Variants in POLR3G observed in about 807,000 individuals in gnomAD.
The protein encoded by POLR3G is DNA-directed RNA polymerase III subunit RPC7.
POLR3G carries 28 observed loss-of-function variants against 30.1 expected under a neutral mutation model. That is an observed-to-expected ratio of 0.93 (90% CI 0.69 to 1.27). The LOEUF is 1.27. POLR3G is among the 50% of genes most tolerant of loss of function. The pLI, the probability that POLR3G is intolerant of heterozygous loss-of-function variation, is 0.00. For missense variants in POLR3G, 254 were observed against 264.6 expected (o/e 0.96, Z 0.28); for synonymous variants, 79 against 82.5 (o/e 0.96, Z 0.23).
chr5:90,505,581 CT>C (rs1752445166), intron 6 of POLR3G, among the ~76,000 whole-genome samples: 1 of 152,198 alleles, frequency 6.6e-6, no homozygotes, highest in African/African-American at 2.4e-5. Context: ...CTGCATCTCT[CT>C]TTTGTCTTCT....
At chr5:90,476,638 A>G (rs1311241663) in intron 1 of POLR3G, among the ~76,000 whole-genome samples, 2 of 152,332 alleles carry the variant, frequency 1.3e-5, no homozygotes, top group East Asian at 1.9e-4. Flanking sequence ...AATTTATCCA[A>G]TAATCATTGG....
At position 90,488,120 on chromosome 5, in the gene POLR3G, G is replaced by GAAA; in HGVS notation, c.239_241dup (p.Glu80_Arg81insLys). 2 of 1,609,636 alleles carry GAAA rather than the reference G, an allele frequency of 1.2e-6. No individual in the cohort carries two copies. Among genetic ancestry groups the GAAA allele is most frequent in the Non-Finnish European group, 1.7e-6 (2 of 1,178,168 alleles). On this transcript the variant is annotated inframe_insertion, in exon 3 of 8. Transcript: ENST00000651687. Reference sequence around the variant, plus strand: ...GCCTTATTTTATTGAAACACCTGAAGAAAGACAAGGTACTGTATTGGAGTC... The same window carrying GAAA: ...GCCTTATTTTATTGAAACACCTGAAGAAAAAAGACAAGGTACTGTATTGGAGTC...
chr5:90,503,395 A>G (rs536862240), intron 6 of POLR3G, among the ~76,000 whole-genome samples: 2 of 152,366 alleles, frequency 1.3e-5, no homozygotes, highest in East Asian at 3.9e-4. Flanking sequence ...AGGAGCAGTG[A>G]TAACTGTCAG....
chr5:90,513,634 A>G lies in POLR3G; in HGVS notation c.*1495A>G, dbSNP rs561246744. Reference sequence around the variant, plus strand: ...GTATTGTCTTGTGCCATTCTGCAATATGAATTTCTCAGGAAAAAGATGTTT... The same window carrying G: ...GTATTGTCTTGTGCCATTCTGCAATGTGAATTTCTCAGGAAAAAGATGTTT... On this transcript the variant is annotated 3_prime_UTR_variant, in exon 8 of 8. Coordinates refer to ENST00000651687, the MANE Select transcript of POLR3G (RefSeq NM_006467.3). The G allele has an allele frequency of 1.3e-5, 2 of 152,354 alleles. No individual in the cohort carries two copies. The highest frequency in any genetic ancestry group is 2.1e-4 in the South Asian group (1 of 4,832). The allele number at this position is 152,354 out of a possible 1,614,324, so 9.4% of individuals were successfully genotyped here.
In POLR3G at chr5:90,504,444, C is replaced by A. The variant is rs376350969; in HGVS notation, c.439-2084C>A. 7.9e-5 allele frequency among the ~76,000 whole-genome samples: 12 copies of A among 151,984 alleles called. No individual in the cohort carries two copies. In the South Asian group the frequency reaches 2.3e-3, roughly 29 times the overall value. ...GGGCGTGGTAGCAGGCGCCTGTAGT[C>A]CCAGTTACTCGGGAGGCTGAGGCAG... On this transcript the variant is annotated intron_variant, in intron 6 of 7. Coordinates refer to ENST00000651687, the MANE Select transcript of POLR3G (RefSeq NM_006467.3).
Position 90,488,069 on chromosome 5 carries a change from G to C in POLR3G, c.187G>C (p.Glu63Gln). 1 of 1,612,214 alleles carries C rather than the reference G, an allele frequency of 6.2e-7. No homozygotes were observed. The highest frequency in any genetic ancestry group is 8.5e-7 in the Non-Finnish European group (1 of 1,179,114). The change falls in exon 3 of 8, where the codon GAG (glutamate) becomes CAG (glutamine). Residue 63 changes from glutamate (E) to glutamine (Q), a missense_variant. Glu to Gln is a conservative substitution (Grantham distance 29). Coordinates refer to ENST00000651687, the MANE Select transcript of POLR3G (RefSeq NM_006467.3). ...AGAATATATGCTGGCTTTGAAACAGGAGTTGAGAGAAACAATGAAAAGAAT... is the reference window on the plus strand; with the variant it reads ...AGAATATATGCTGGCTTTGAAACAGCAGTTGAGAGAAACAATGAAAAGAAT... Reference protein sequence around the residue: ...GEEYMLALKQELRETMKRMPY... With the variant: ...GEEYMLALKQQLRETMKRMPY...
At chr5:90,508,962 G>A (rs1293795973) in intron 7 of POLR3G, among the ~76,000 whole-genome samples, 8 of 152,194 alleles carry the variant, frequency 5.3e-5, no homozygotes, top group African/African-American at 7.2e-5. Flanking sequence ...TTGGGAGGCT[G>A]AGGCAGGAGA....
rs1554037793 is a variant in POLR3G at position 90,475,486 on chromosome 5, A to ATTATTAT, written c.-44+471_-44+472insATTTATT. Among the ~76,000 whole-genome samples, 218 of 144,404 alleles carry ATTATTAT rather than the reference A, an allele frequency of 1.5e-3. 1 individual carries two copies. Among genetic ancestry groups the ATTATTAT allele is most frequent in the African/African-American group, 4.2e-3 (167 of 40,212 alleles). The allele number at this position is 144,404 out of a possible 152,430, so 94.7% of individuals were successfully genotyped here. The stretch of plus-strand genomic sequence containing the variant: ...TATCCACCCTTTTTTTAATTTTATT[A>ATTATTAT]TTATTTATTTATTTATTTATTTATT... On this transcript the variant is annotated intron_variant, in intron 1 of 7. Transcript: ENST00000651687.
At chr5:90,502,243 A>G in intron 6 of POLR3G, 1 of 983,678 alleles carries the variant, frequency 1.0e-6, no homozygotes, top group Non-Finnish European at 1.2e-6. Context: ...TTTTCACTGT[A>G]TCCCCCTTTC....
At chr5:90,474,361 A>T, upstream of POLR3G, 1 of 1,414,532 alleles carries the variant, frequency 7.1e-7, no homozygotes, top group Non-Finnish European at 9.9e-7. Flanking sequence ...GTCCACACAC[A>T]GGGCACTGCG....
chr5:90,508,504 T>C (rs1306526752), intron 7 of POLR3G, among the ~76,000 whole-genome samples: 1 of 152,068 alleles, frequency 6.6e-6, no homozygotes, highest in Non-Finnish European at 1.5e-5. Flanking sequence ...CATGTTCATT[T>C]CCCATTGTAA....
At chr5:90,477,327 C>T (rs1257032266) in intron 1 of POLR3G, among the ~76,000 whole-genome samples, 1 of 152,170 alleles carries the variant, frequency 6.6e-6, no homozygotes, top group East Asian at 1.9e-4. Flanking sequence ...GACTCCAAAG[C>T]TCTGTTAAGG....
At chr5:90,474,470 C>G (rs1434824698), upstream of POLR3G, 6 of 613,652 alleles carry the variant, frequency 9.8e-6, no homozygotes, top group Admixed American at 3.1e-5. Context: ...GGACGCAGAC[C>G]GACGCTGCCC....
At chr5:90,482,530 C>T (rs1383277547) in intron 1 of POLR3G, among the ~76,000 whole-genome samples, 1 of 152,240 alleles carries the variant, frequency 6.6e-6, no homozygotes, top group Non-Finnish European at 1.5e-5. Flanking sequence ...GGGGACTAGA[C>T]TGCCATTGTC....
chr5:90,497,614 C>G, intron 4 of POLR3G, 42 bp from the exon 5 acceptor site: 2 of 1,568,350 alleles, frequency 1.3e-6, no homozygotes, highest in South Asian at 2.4e-5. Context: ...CCACAAATTC[C>G]TAGAGGAAAC....
chr5:90,506,772 G>T, intron 7 of POLR3G, 98 bp downstream of exon 7: 1 of 1,388,548 alleles, frequency 7.2e-7, no homozygotes, highest in East Asian at 2.5e-5. Context: ...CAGAAACCAA[G>T]ATGATGGGAA....
intron 7 of POLR3G, among the ~76,000 whole-genome samples, chr5:90,511,341 TTTG>T (rs779158887): frequency 6.6e-6 from 1 of 152,192 alleles, no homozygotes; most frequent in African/African-American, 2.4e-5. Flanking sequence ...AAAAAGTTTG[TTTG>T]TTCCAAACAG....
chr5:90,488,153 A>C, intron 3 of POLR3G, 24 bp downstream of exon 3: 1 of 1,564,560 alleles, frequency 6.4e-7, no homozygotes, highest in Non-Finnish European at 8.6e-7. Context: ...GTCTTTGATT[A>C]TGTGGCTTAA....
intron 1 of POLR3G, among the ~76,000 whole-genome samples, chr5:90,483,830 TA>T (rs1184780295): frequency 6.6e-6 from 1 of 152,226 alleles, no homozygotes; most frequent in Non-Finnish European, 1.5e-5. Flanking sequence ...GCAAATGAAT[TA>T]AAACTTGGAC....
Sources: allele counts gnomAD v4.1 joint callset (sites outside exome capture counted in the v4.1 genomes callset), GRCh38; gene constraint gnomAD v4.1.1; transcripts MANE v1.5; gene names NCBI Gene and HGNC (gene_info 2026-07-23, HGNC 2026-07-21).